CCR5AS: variants seen among roughly 807,000 people sequenced by gnomAD.
CCR5AS encodes the protein CCR5 antisense RNA.
At chr3:46,372,726 C>T (rs2106745339) in intron 2 of CCR5AS, 1 of 515,656 alleles carries the variant, frequency 1.9e-6, no homozygotes, top group East Asian at 3.2e-5. Flanking sequence ...GCAAACCTTC[C>T]CTTCACTACA....
Position 46,405,599 on chromosome 3 carries a change from G to A in CCR5AS, n.163+1298C>T, listed in dbSNP as rs148002643. ...GGGCCACTGCTGATCCCAGGCTGTAGGGGGTGGGAAGAGTGTCCCAGGGCA... is the reference window on the plus strand; with the variant it reads ...GGGCCACTGCTGATCCCAGGCTGTAAGGGGTGGGAAGAGTGTCCCAGGGCA... On this transcript the variant is annotated intron_variant and non_coding_transcript_variant, in intron 1 of 3. Coordinates refer to ENST00000451485, the Ensembl canonical transcript of CCR5AS. Among the ~76,000 whole-genome samples, 558 of 152,218 alleles carry A rather than the reference G, an allele frequency of 3.7e-3. 2 individuals carry two copies. The highest frequency in any genetic ancestry group is 5.5e-3 in the Non-Finnish European group (376 of 67,992).
chr3:46,372,862 T>C, intron 2 of CCR5AS: 1 of 1,472,232 alleles, frequency 6.8e-7, no homozygotes, highest in Non-Finnish European at 9.2e-7. Flanking sequence ...TCTAGGACTT[T>C]ATAAAAGATC....
intron 3 of CCR5AS, among the ~76,000 whole-genome samples, chr3:46,366,442 G>A (rs181197294): frequency 9.8e-5 from 15 of 152,298 alleles, no homozygotes; most frequent in Admixed American, 4.6e-4. Context: ...CTAGCCTCAC[G>A]CCTAGACACC....
At chr3:46,385,962 G>A (rs941997878) in intron 2 of CCR5AS, among the ~76,000 whole-genome samples, 1 of 151,966 alleles carries the variant, frequency 6.6e-6, no homozygotes, top group Admixed American at 6.6e-5. Flanking sequence ...TTATTTTTGA[G>A]ACAGGGTCTC....
intron 2 of CCR5AS, among the ~76,000 whole-genome samples, chr3:46,384,355 G>A (rs1379070701): frequency 6.6e-6 from 1 of 152,208 alleles, no homozygotes; most frequent in Non-Finnish European, 1.5e-5. Flanking sequence ...CAAAGAAAAG[G>A]GAAGATGAAG....
intron 2 of CCR5AS, among the ~76,000 whole-genome samples, chr3:46,384,470 C>A (rs533818173): frequency 6.6e-6 from 1 of 152,234 alleles, no homozygotes; most frequent in South Asian, 2.1e-4. Context: ...TGTCTGCAGC[C>A]CAATTTTACA....
chr3:46,377,492 T>C (rs1426445256), intron 2 of CCR5AS, among the ~76,000 whole-genome samples: 1 of 152,232 alleles, frequency 6.6e-6, no homozygotes, highest in Admixed American at 6.5e-5. Flanking sequence ...CAGGGGTTCT[T>C]AGTTTAAATC....
intron 2 of CCR5AS, among the ~76,000 whole-genome samples, chr3:46,387,758 T>C (rs574172199): frequency 3.3e-5 from 5 of 152,214 alleles, no homozygotes; most frequent in African/African-American, 9.6e-5. Context: ...ATCATGTGGG[T>C]GCAGGCAGAC....
At chr3:46,372,912 C>G (rs748244565) in intron 2 of CCR5AS, 3 of 1,583,594 alleles carry the variant, frequency 1.9e-6, no homozygotes, top group African/African-American at 1.3e-5. Context: ...GATGGATTAT[C>G]AAGTGTCAAG....
intron 1 of CCR5AS, among the ~76,000 whole-genome samples, chr3:46,406,335 CGTT>C (rs1702047032): frequency 6.6e-6 from 1 of 152,018 alleles, no homozygotes; most frequent in Non-Finnish European, 1.5e-5. Context: ...GCTGCTGAGT[CGTT>C]GACCCAAGAG....
intron 1 of CCR5AS, among the ~76,000 whole-genome samples, chr3:46,393,460 C>CAAAAAAAAAAAA (rs35762544): frequency 9.6e-6 from 1 of 103,948 alleles, no homozygotes; most frequent in Non-Finnish European, 1.9e-5. Flanking sequence ...AACAGAGCCA[C>CAAAAAAAAAAAA]AAAAAAAAAA....
At chr3:46,402,131 C>T (rs900012121) in intron 1 of CCR5AS, among the ~76,000 whole-genome samples, 2 of 152,190 alleles carry the variant, frequency 1.3e-5, no homozygotes, top group Non-Finnish European at 2.9e-5. Flanking sequence ...ATAAACTCAA[C>T]ATGCATTGAG....
chr3:46,404,321 C>G (rs951359498), intron 1 of CCR5AS, among the ~76,000 whole-genome samples: 10 of 85,612 alleles, frequency 1.2e-4, no homozygotes, highest in Non-Finnish European at 2.3e-4. Context: ...CTCTCTCTCT[C>G]TCTCTCTTTT....
At chr3:46,390,073 T>C (rs1575285549) in intron 2 of CCR5AS, among the ~76,000 whole-genome samples, 1 of 152,108 alleles carries the variant, frequency 6.6e-6, no homozygotes, top group East Asian at 1.9e-4. Context: ...GGGAGGTAGA[T>C]GGGTGAAAAG....
At chr3:46,371,420 A>T (rs1187615194) in intron 2 of CCR5AS, 1 of 152,234 alleles carries the variant, frequency 6.6e-6, no homozygotes, top group Non-Finnish European at 1.5e-5. Flanking sequence ...AGGGAAGCCT[A>T]AAAATGGTCA....
chr3:46,389,146 A>G (rs1701886860), intron 2 of CCR5AS, among the ~76,000 whole-genome samples: 1 of 152,160 alleles, frequency 6.6e-6, no homozygotes, highest in African/African-American at 2.4e-5. Context: ...GTAAGGATAA[A>G]TAGACTTAAT....
At chr3:46,403,091 A>G (rs1231030085) in intron 1 of CCR5AS, among the ~76,000 whole-genome samples, 2 of 152,210 alleles carry the variant, frequency 1.3e-5, no homozygotes, top group South Asian at 4.1e-4. Flanking sequence ...TCATGGCTGC[A>G]TAGTATTCCA....
intron 2 of CCR5AS, chr3:46,373,470 T>G (rs201797884): frequency 1.5e-6 from 2 of 1,316,454 alleles, no homozygotes; most frequent in Admixed American, 3.6e-5. Flanking sequence ...GTATCAATTC[T>G]GGAAGAATTT....
chr3:46,365,264 G>A (rs911772931), intron 3 of CCR5AS, among the ~76,000 whole-genome samples: 3 of 152,086 alleles, frequency 2.0e-5, no homozygotes, highest in African/African-American at 4.8e-5. Context: ...AATTGCCACA[G>A]CCACCCCCAG....
Sources: allele counts gnomAD v4.1 joint callset (sites outside exome capture counted in the v4.1 genomes callset), GRCh38; gene constraint gnomAD v4.1.1; transcripts MANE v1.5; gene names NCBI Gene and HGNC (gene_info 2026-07-23, HGNC 2026-07-21).